ADD1: variants seen among roughly 807,000 people sequenced by gnomAD.
ADD1 encodes adducin 1.
A neutral mutation model predicts 80.5 loss-of-function variants in ADD1; 24 were observed. That is an observed-to-expected ratio of 0.30 (90% confidence interval 0.22 to 0.42). ADD1 has a LOEUF of 0.42. Ranked by LOEUF, ADD1 falls within the 10% of genes least tolerant of loss-of-function variation. The probability of loss-of-function intolerance (pLI) is 1.00; values close to 1 mark genes in which losing one functional copy is unlikely to be tolerated. For synonymous variants in ADD1, 373 were observed against 393.8 expected, an observed-to-expected ratio of 0.95 and a Z score of 0.63; for missense variants, 948 against 1,019.0, an observed-to-expected ratio of 0.93 and a Z score of 0.95.
rs144775261 is a variant in ADD1 at position 2,894,783 on chromosome 4, G to A, written c.741+52G>A. 2,147 of 1,540,066 alleles carry A rather than the reference G, an allele frequency of 1.4e-3. 18 individuals carry two copies. Among genetic ancestry groups the A allele is most frequent in the South Asian group, 8.9e-3 (719 of 80,906 alleles). The stretch of plus-strand genomic sequence containing the variant: ...AAGGTCTAAAGCTGCTGAGTGAAAG[G>A]CACTGCACGTTTCCTCTGAATTGCC... On this transcript the variant is annotated intron_variant, in intron 6 of 15. Transcript: ENST00000683351.
intron 1 of ADD1, among the ~76,000 whole-genome samples, chr4:2,847,516 T>C (rs998287192): frequency 2.6e-5 from 4 of 152,206 alleles, no homozygotes; most frequent in African/African-American, 7.2e-5. Flanking sequence ...TTGCTCACTG[T>C]TTCAACCCAC....
At chr4:2,919,723 C>CTCTT (rs1286126233) in intron 14 of ADD1, among the ~76,000 whole-genome samples, 1 of 151,672 alleles carries the variant, frequency 6.6e-6, no homozygotes, top group Non-Finnish European at 1.5e-5. Context: ...TGATTCTTCT[C>CTCTT]TCTTTTCTTT....
chr4:2,900,351 C>T (rs1243301549), intron 9 of ADD1: 1 of 152,428 alleles, frequency 6.6e-6, no homozygotes, highest in Non-Finnish European at 1.5e-5. Context: ...TGGAACAGAT[C>T]CCTTCCATGC....
At chr4:2,868,128 AG>A (rs1729830844) in intron 1 of ADD1, 1 of 152,288 alleles carries the variant, frequency 6.6e-6, no homozygotes, top group African/African-American at 2.4e-5. Flanking sequence ...CTTCAACATA[AG>A]GTGGGTGTTC....
intron 4 of ADD1, among the ~76,000 whole-genome samples, chr4:2,888,615 A>G (rs1277967325): frequency 1.3e-5 from 2 of 151,072 alleles, no homozygotes; most frequent in Non-Finnish European, 2.9e-5. Flanking sequence ...ATGGGGTTTC[A>G]CCATGTTGGC....
intron 14 of ADD1, among the ~76,000 whole-genome samples, chr4:2,915,970 C>G (rs1038577176): frequency 6.6e-6 from 1 of 152,026 alleles, no homozygotes; most frequent in Non-Finnish European, 1.5e-5. Flanking sequence ...AGGCTGACCC[C>G]GAAGATGTCC....
intron 1 of ADD1, among the ~76,000 whole-genome samples, chr4:2,845,856 C>T (rs560298780): frequency 1.3e-5 from 2 of 152,224 alleles, no homozygotes; most frequent in Non-Finnish European, 2.9e-5. Flanking sequence ...TTACTTATTG[C>T]TTGAAACTTA....
intron 1 of ADD1, among the ~76,000 whole-genome samples, chr4:2,860,288 G>C (rs1345224712): frequency 1.3e-5 from 2 of 152,064 alleles, no homozygotes; most frequent in African/African-American, 4.8e-5. Flanking sequence ...ATCAACTTTG[G>C]GAATTGACGT....
rs13306093 is a variant in ADD1, at chr4:2,928,180, C to G, written c.2057C>G (p.Pro686Arg). The change falls in exon 16 of 16, where the codon CCG becomes CGG. Residue 686 changes from proline (P) to arginine (R), a missense_variant. Coordinates refer to ENST00000683351, the MANE Select transcript of ADD1 (RefSeq NM_001354761.2). ...TCACCTCACCCACTAGACCTTGTGC[C>G]GGAGCCGACTACTGGAGATGACAGT... ...TPIKLEEDLVPEPTTGDDSDA... is the reference protein window; with the variant it reads ...TPIKLEEDLVREPTTGDDSDA... The G allele has an allele frequency of 1.2e-6, 2 of 1,614,010 alleles. No individual in the cohort carries two copies. The highest frequency in any genetic ancestry group is 2.2e-5 in the South Asian group (2 of 91,064).
At position 2,914,954 on chromosome 4, in the gene ADD1, C is replaced by T. The variant is rs370522818; in HGVS notation, c.1862C>T (p.Thr621Met). 1.2e-5 allele frequency: 20 copies of T among 1,614,030 alleles called. No homozygotes were observed. Among genetic ancestry groups the T allele is most frequent in the East Asian group, 1.1e-4 (5 of 44,886 alleles). ...EYQPHVIVST[T>M]GPNPFTTLTD... ...CAGCCCCACGTCATTGTGAGCACCA[C>T]GGGCCCCAACCCCTTCACCACACTC... The change falls in exon 14 of 16, where the codon ACG (threonine) becomes ATG (methionine). Residue 621 changes from threonine (T) to methionine (M), a missense_variant. Coordinates refer to ENST00000683351, the MANE Select transcript of ADD1 (RefSeq NM_001354761.2).
At chr4:2,907,629 T>C in intron 10 of ADD1, 114 bp from the exon 11 acceptor site, 1 of 902,032 alleles carries the variant, frequency 1.1e-6, no homozygotes, top group Non-Finnish European at 1.8e-6. Context: ...ATTGGTTCAG[T>C]CCTCTCTGTG....
At chr4:2,860,167 G>T (rs1213756103) in intron 1 of ADD1, among the ~76,000 whole-genome samples, 1 of 152,116 alleles carries the variant, frequency 6.6e-6, no homozygotes, top group African/African-American at 2.4e-5. Flanking sequence ...CTGAGGTCTA[G>T]AAATCTCCTT....
chr4:2,895,519 G>C (rs1322355042), intron 6 of ADD1, among the ~76,000 whole-genome samples: 2 of 152,104 alleles, frequency 1.3e-5, no homozygotes, highest in East Asian at 3.9e-4. Context: ...GAGAGGTTGA[G>C]GCCTAGAAAC....
chr4:2,885,902 G>GCA (rs1560191222), intron 4 of ADD1, among the ~76,000 whole-genome samples: 4 of 152,074 alleles, frequency 2.6e-5, no homozygotes, highest in Non-Finnish European at 4.4e-5. Context: ...GAGCCACCCT[G>GCA]CCCGGCCCCT....
At chr4:2,888,173 C>T (rs1458765924) in intron 4 of ADD1, among the ~76,000 whole-genome samples, 2 of 151,576 alleles carry the variant, frequency 1.3e-5, no homozygotes, top group Non-Finnish European at 2.9e-5. Flanking sequence ...GATCCTCCTG[C>T]CTCAGCCTCC....
At position 2,848,718 on chromosome 4, in the gene ADD1, C is replaced by G. The variant is rs760695441; in HGVS notation, c.-21+4694C>G. ...TCTTGAATTCCTGGTCTCAAGTGAT[C>G]CTCCTGTCTCAGCCTCTGAATATGC... On this transcript the variant is annotated intron_variant, in intron 1 of 15. Transcript: ENST00000683351. Among the ~76,000 whole-genome samples the G allele has an allele frequency of 9.5e-4, 145 of 151,896 alleles. 2 individuals are homozygous for G. Among genetic ancestry groups the G allele is most frequent in the Admixed American group, 2.0e-4 (3 of 15,258 alleles).
chr4:2,914,190 C>G (rs1738583608), intron 13 of ADD1, among the ~76,000 whole-genome samples: 1 of 152,230 alleles, frequency 6.6e-6, no homozygotes, highest in Non-Finnish European at 1.5e-5. Context: ...CCCCCTGATG[C>G]CCACCCAGCC....
In ADD1 at chr4:2,928,175, T is replaced by C. The variant is rs548308237; in HGVS notation, c.2052T>C (p.Leu684=). 4.5e-5 allele frequency: 72 copies of C among 1,613,972 alleles called. No homozygotes were observed. In the East Asian group the frequency reaches 1.6e-3, roughly 35 times the overall value. ...ATCTCTCACCTCACCCACTAGACCT[T>C]GTGCCGGAGCCGACTACTGGAGATG... ...PSTPIKLEED[L]VPEPTTGDDS... Residue 684 remains leucine, a synonymous_variant, in exon 16 of 16, where the codon CTT becomes CTC. Transcript: ENST00000683351.
intron 14 of ADD1, among the ~76,000 whole-genome samples, chr4:2,924,724 C>T (rs1249577114): frequency 6.6e-6 from 1 of 152,142 alleles, no homozygotes; most frequent in Non-Finnish European, 1.5e-5. Context: ...CTATTCAGGC[C>T]GCCACACACA....
Sources: gnomAD v4.1 joint callset for allele counts (sites outside exome capture counted in the v4.1 genomes callset) on GRCh38, gnomAD v4.1.1 for gene constraint, MANE v1.5 for transcripts, NCBI Gene and HGNC (gene_info 2026-07-23, HGNC 2026-07-21) for gene names.